SYNPO: variants seen among roughly 807,000 people sequenced by gnomAD.
SYNPO encodes synaptopodin.
A neutral mutation model predicts 49.5 loss-of-function variants in SYNPO; 19 were observed. The observed-to-expected ratio is 0.38, with a 90% CI of 0.27 to 0.56. The LOEUF is 0.56. Among genes scored for constraint, SYNPO ranks in the 20% least tolerant of loss-of-function variants. The probability of loss-of-function intolerance (pLI) is 0.68; values close to 1 mark genes in which losing one functional copy is unlikely to be tolerated. For missense variants in SYNPO, 1,131 were observed against 1,248.3 expected (o/e 0.91, Z 1.42); for synonymous variants, 536 against 548.0 (o/e 0.98, Z 0.31).
At chr5:150,609,992 A>G (rs1406156853) in intron 1 of SYNPO, among the ~76,000 whole-genome samples, 2 of 152,216 alleles carry the variant, frequency 1.3e-5, no homozygotes, top group Admixed American at 1.3e-4. Context: ...CCCCGTATTT[A>G]TAGCCATGAC....
chr5:150,649,055 A>G lies in SYNPO; in HGVS notation c.780A>G (p.Leu260=), dbSNP rs1212766122. 3.1e-6 allele frequency: 5 copies of G among 1,613,972 alleles called. No individual in the cohort carries two copies. The Admixed American group carries it at 8.3e-5, about 27-fold the overall frequency. Residue 260 remains leucine, a synonymous_variant, in exon 2 of 3, where the codon CTA becomes CTG. Transcript: ENST00000307662. Reference sequence around the variant, plus strand: ...GCCAGATGGAGAGGAGCCCCATGCTAGAGAGACGACATTTTGGGGAGAAGG... The same window carrying G: ...GCCAGATGGAGAGGAGCCCCATGCTGGAGAGACGACATTTTGGGGAGAAGG... ...GTSQMERSPM[L]ERRHFGEKAP...
chr5:150,644,761 C>G (rs1469118227), intron 1 of SYNPO, among the ~76,000 whole-genome samples: 1 of 152,216 alleles, frequency 6.6e-6, no homozygotes, highest in African/African-American at 2.4e-5. Context: ...TGAGCAACCT[C>G]TCAGAGCCCT....
intron 2 of SYNPO, chr5:150,652,538 C>T (rs1758427220): frequency 2.4e-6 from 1 of 416,200 alleles, no homozygotes; most frequent in South Asian, 1.0e-4. Flanking sequence ...ATGAGGGCTT[C>T]CTCTCTACAG....
At position 150,656,602 on chromosome 5, in the gene SYNPO, G is replaced by C. The variant is rs1758563349; in HGVS notation, c.2227G>C (p.Glu743Gln). The change falls in exon 3 of 3, where the codon GAG becomes CAG. Residue 743 changes from glutamate to glutamine, a missense_variant. Coordinates refer to ENST00000307662, the MANE Select transcript of SYNPO (RefSeq NM_007286.6). ...GCGCTCGGTGTCCCCGCTGCGACCT[G>C]AGACCGAGGCGCGGCCCCCCAGCCG... ...SERSVSPLRP[E>Q]TEARPPSRQL... 1.3e-6 allele frequency: 2 copies of C among 1,516,666 alleles called. No individual in the cohort carries two copies. Among genetic ancestry groups the C allele is most frequent in the Non-Finnish European group, 1.8e-6 (2 of 1,139,764 alleles). The allele number at this position is 1,516,666 out of a possible 1,614,324, so 94.0% of individuals were successfully genotyped here.
intron 1 of SYNPO, among the ~76,000 whole-genome samples, chr5:150,641,060 C>T (rs1277076934): frequency 6.6e-6 from 1 of 152,164 alleles, no homozygotes; most frequent in Non-Finnish European, 1.5e-5. Flanking sequence ...GCCCGGCAGT[C>T]CTTCCCACCA....
chr5:150,625,686 G>C (rs765705022), intron 2 of SYNPO, among the ~76,000 whole-genome samples: 8 of 152,218 alleles, frequency 5.3e-5, no homozygotes, highest in Non-Finnish European at 1.2e-4. Flanking sequence ...CAGGGGCACT[G>C]TCCAGAGCCC....
chr5:150,598,248 C>T (rs1045003086), upstream of SYNPO, among the ~76,000 whole-genome samples: 1 of 152,146 alleles, frequency 6.6e-6, no homozygotes, highest in Non-Finnish European at 1.5e-5. Context: ...CAATTCAGAA[C>T]AAGCACGGTG....
intron 2 of SYNPO, chr5:150,618,887 G>C: frequency 7.8e-7 from 1 of 1,278,986 alleles, no homozygotes; most frequent in Non-Finnish European, 1.1e-6. Context: ...ACAGTCCCAT[G>C]GGCATGCCCA....
At chr5:150,638,868 G>GGGAGCT (rs1315034244), upstream of SYNPO, among the ~76,000 whole-genome samples, 9 of 152,358 alleles carry the variant, frequency 5.9e-5, no homozygotes, top group African/African-American at 2.2e-4. Flanking sequence ...AAGGCTTCCA[G>GGGAGCT]GGAGCTGGGG....
At chr5:150,595,141 G>A in the SYNPO span, among the ~76,000 whole-genome samples, 1 of 152,208 alleles carries the variant, frequency 6.6e-6, no homozygotes, top group African/African-American at 2.4e-5. Flanking sequence ...GAGCTGCACA[G>A]ACTCTGGGTT....
chr5:150,624,836 G>A lies in SYNPO; in HGVS notation c.400+6069G>A, dbSNP rs1581474006. 9.1e-6 allele frequency: 9 copies of A among 983,890 alleles called. No individual in the cohort carries two copies. The South Asian group carries it at 2.7e-4, about 30-fold the overall frequency. The allele number at this position is 983,890 out of a possible 1,614,324, so 60.9% of individuals were successfully genotyped here. ...TGGCGGGGACCTCGGGGCGGGGCGCGCTGACGGACGCGGCCAGGTGTGCCG... is the reference window on the plus strand; with the variant it reads ...TGGCGGGGACCTCGGGGCGGGGCGCACTGACGGACGCGGCCAGGTGTGCCG... On this transcript the variant is annotated intron_variant, in intron 2 of 2. Coordinates refer to the SYNPO transcript ENST00000394243.
intron 2 of SYNPO, among the ~76,000 whole-genome samples, chr5:150,631,144 T>C (rs1488074058): frequency 6.6e-6 from 1 of 152,220 alleles, no homozygotes; most frequent in Non-Finnish European, 1.5e-5. Context: ...TTTGCTCTTT[T>C]ACTTAGTCAA....
Position 150,656,839 on chromosome 5 carries a change from C to T in SYNPO, c.2464C>T (p.Pro822Ser), listed in dbSNP as rs898756631. The change falls in exon 3 of 3, where the codon CCC becomes TCC. Residue 822 changes from proline to serine, a missense_variant. Physicochemically the swap from Pro to Ser is moderately conservative, Grantham distance 74. Coordinates refer to ENST00000307662, the MANE Select transcript of SYNPO (RefSeq NM_007286.6). ...TGCTGTGCCGGGGGCAGCCTTCGCG[C>T]CCATCCCGCGGAGCCCGTTGCCCGC... is the stretch of plus-strand genomic sequence containing the variant. Reference protein sequence around the residue: ...SAAVPGAAFAPIPRSPLPAGP... With the variant: ...SAAVPGAAFASIPRSPLPAGP... 9 of 1,548,712 alleles carry T rather than the reference C, an allele frequency of 5.8e-6. No homozygotes were observed. Among genetic ancestry groups the T allele is most frequent in the Non-Finnish European group, 7.8e-6 (9 of 1,150,814 alleles).
upstream of SYNPO, chr5:150,640,546 A>T: frequency 1.6e-6 from 1 of 643,286 alleles, no homozygotes; most frequent in Non-Finnish European, 1.9e-6. Context: ...GAGAGGCATG[A>T]GTGGAGCCCG....
chr5:150,644,379 T>C (rs1009368952), intron 1 of SYNPO, among the ~76,000 whole-genome samples: 6 of 152,098 alleles, frequency 3.9e-5, no homozygotes, highest in Non-Finnish European at 1.5e-5. Flanking sequence ...GATTCCGAGG[T>C]TCTGTGTTTT....
rs763664246 is a variant in SYNPO, at chr5:150,648,222, C to T, written c.-54C>T. The T allele has an allele frequency of 1.5e-5, 24 of 1,609,996 alleles. No individual in the cohort carries two copies. In the African/African-American group the frequency reaches 2.8e-4, roughly 19 times the overall value. On this transcript the variant is annotated 5_prime_UTR_variant, in exon 2 of 3. Transcript: ENST00000307662. The surrounding 1 kb of genome is among the most constrained non-coding windows in gnomAD (Gnocchi z 5.0). ...TTCCACCTCGCTGCCGGAGCCAGGCCCTCCACGGCACCCCAGTCCCCAGAG... is the reference window on the plus strand; with the variant it reads ...TTCCACCTCGCTGCCGGAGCCAGGCTCTCCACGGCACCCCAGTCCCCAGAG...
At chr5:150,643,226 A>C (rs1757971330) in intron 1 of SYNPO, among the ~76,000 whole-genome samples, 1 of 152,116 alleles carries the variant, frequency 6.6e-6, no homozygotes, top group Non-Finnish European at 1.5e-5. Context: ...GTGTGAACAG[A>C]GCTCTACTCC....
intron 2 of SYNPO, among the ~76,000 whole-genome samples, chr5:150,619,219 A>G (rs998980887): frequency 8.5e-5 from 13 of 152,070 alleles, no homozygotes; most frequent in Non-Finnish European, 1.8e-4. Flanking sequence ...TGCTGACCTC[A>G]TGGAGCTTGG....
upstream of SYNPO, among the ~76,000 whole-genome samples, chr5:150,596,540 C>T (rs1160022709): frequency 6.6e-6 from 1 of 152,156 alleles, no homozygotes; most frequent in East Asian, 1.9e-4. Context: ...GTCCACCCCG[C>T]CCTCCACATC....
Sources: allele counts gnomAD v4.1 joint callset (sites outside exome capture counted in the v4.1 genomes callset), GRCh38; gene constraint gnomAD v4.1.1; non-coding constraint Gnocchi (gnomAD v3.1); transcripts MANE v1.5; gene names NCBI Gene and HGNC (gene_info 2026-07-23, HGNC 2026-07-21).